Variants in LPP observed in about 807,000 individuals in gnomAD.
LPP encodes lipoma-preferred partner.
In LPP, 38 loss-of-function variants were observed where a neutral mutation model predicts 60.4. The observed-to-expected ratio is 0.63, with a 90% CI of 0.49 to 0.83. The LOEUF (loss-of-function observed/expected upper bound fraction) is 0.83. LPP is among the 40% of genes least tolerant of loss of function. LPP has a pLI of 0.00. For missense variants in LPP, 902 were observed against 783.6 expected (o/e 1.15, Z -1.80); for synonymous variants, 328 against 290.8 (o/e 1.13, Z -1.30).
At chr3:188,371,949 T>G (rs1038936319) in intron 3 of LPP, among the ~76,000 whole-genome samples, 3 of 151,392 alleles carry the variant, frequency 2.0e-5, no homozygotes, top group African/African-American at 7.3e-5. Flanking sequence ...TGAGCCACTA[T>G]GCCAGGCCAG....
chr3:188,405,981 C>T, intron 3 of LPP, 131 bp from the exon 4 acceptor site: 2 of 677,120 alleles, frequency 3.0e-6, no homozygotes, highest in East Asian at 2.9e-5. Flanking sequence ...CTTCCATTTT[C>T]TTTCACCCTT....
chr3:188,650,427 A>G (rs892284559), intron 7 of LPP, among the ~76,000 whole-genome samples: 2 of 152,156 alleles, frequency 1.3e-5, no homozygotes. Context: ...GGGACATAAC[A>G]TCTTCTGATA....
At chr3:188,790,775 CAT>C (rs1445643933) in intron 9 of LPP, among the ~76,000 whole-genome samples, 1 of 150,754 alleles carries the variant, frequency 6.6e-6, no homozygotes, top group African/African-American at 2.4e-5. Flanking sequence ...GAGCCAAGAT[CAT>C]GCCACTGCAC....
At chr3:188,312,532 C>A (rs1484342467) in intron 2 of LPP, among the ~76,000 whole-genome samples, 1 of 152,072 alleles carries the variant, frequency 6.6e-6, no homozygotes, top group Non-Finnish European at 1.5e-5. Flanking sequence ...ATGCCTTCCC[C>A]ACTTTGTGAT....
In LPP at chr3:188,824,189, G is replaced by A. The variant is rs901305172; in HGVS notation, c.1411-42011G>A. On this transcript the variant is annotated intron_variant, in intron 9 of 11. Transcript: ENST00000617246. ...CTCAGCATTGTCTTCTGAAAAGTAC[G>A]TTCACTCATTCGGGTGGCGTGAGAT... 4.6e-5 allele frequency among the ~76,000 whole-genome samples: 7 copies of A among 152,156 alleles called. No homozygotes were observed. In the South Asian group the frequency reaches 6.2e-4, roughly 14 times the overall value.
At chr3:188,497,861 C>T (rs1810694707) in intron 5 of LPP, among the ~76,000 whole-genome samples, 1 of 151,916 alleles carries the variant, frequency 6.6e-6, no homozygotes, top group African/African-American at 2.4e-5. Flanking sequence ...CTCTTCTTGC[C>T]CAGTGGGGAT....
At chr3:188,646,608 G>A (rs1851145148) in intron 7 of LPP, among the ~76,000 whole-genome samples, 1 of 152,148 alleles carries the variant, frequency 6.6e-6, no homozygotes, top group South Asian at 2.1e-4. Flanking sequence ...TTGGTATTTT[G>A]TGGGGCACAA....
intron 7 of LPP, among the ~76,000 whole-genome samples, chr3:188,669,905 G>T (rs1351031612): frequency 6.6e-6 from 1 of 152,156 alleles, no homozygotes; most frequent in Admixed American, 6.5e-5. Flanking sequence ...AATATACACC[G>T]TGGAATACTA....
intron 6 of LPP, among the ~76,000 whole-genome samples, chr3:188,564,149 A>G (rs1878003): frequency 0.99 from 151,287 of 152,126 alleles, 75,231 homozygotes; most frequent in Middle Eastern, 1. Context: ...GCATAATCAG[A>G]CTTTAAAAAA....
intron 1 of LPP, among the ~76,000 whole-genome samples, chr3:188,203,556 A>T (rs866535620): frequency 6.1e-5 from 6 of 98,472 alleles, no homozygotes; most frequent in African/African-American, 8.1e-5. Flanking sequence ...TATATTTTTA[A>T]ATATATATAA....
At chr3:188,306,984 T>G (rs969588046) in intron 2 of LPP, among the ~76,000 whole-genome samples, 2 of 152,242 alleles carry the variant, frequency 1.3e-5, no homozygotes, top group South Asian at 4.1e-4. Context: ...AAGGACCAGA[T>G]TTGGCCTGCA....
intron 8 of LPP, among the ~76,000 whole-genome samples, chr3:188,733,290 C>T (rs79603532): frequency 0.13 from 19,754 of 149,374 alleles, 2,984 homozygotes; most frequent in Non-Finnish European, 0.17. Flanking sequence ...TCACCAAAAA[C>T]GTGTGTGTGT....
chr3:188,419,658 C>A (rs1432983896), intron 4 of LPP, among the ~76,000 whole-genome samples: 1 of 151,964 alleles, frequency 6.6e-6, no homozygotes, highest in Non-Finnish European at 1.5e-5. Flanking sequence ...TTTGGGAGGC[C>A]AAGGGTGGAT....
chr3:188,399,985 G>A (rs1221261829), intron 3 of LPP, among the ~76,000 whole-genome samples: 1 of 152,134 alleles, frequency 6.6e-6, no homozygotes, highest in Non-Finnish European at 1.5e-5. Context: ...ATGGCACTAA[G>A]TTTTCCCACC....
At chr3:188,414,407 A>G (rs563253128) in intron 4 of LPP, among the ~76,000 whole-genome samples, 17 of 152,278 alleles carry the variant, frequency 1.1e-4, no homozygotes, top group African/African-American at 3.8e-4. Flanking sequence ...AAATATTCCA[A>G]AAATCCAAAA....
intron 9 of LPP, among the ~76,000 whole-genome samples, chr3:188,781,242 G>A (rs1739543044): frequency 6.6e-6 from 1 of 152,192 alleles, no homozygotes; most frequent in South Asian, 2.1e-4. Flanking sequence ...TACATTAAAA[G>A]GAAGGTGGAC....
Position 188,740,835 on chromosome 3 carries a change from C to T in LPP, c.1241-19278C>T, listed in dbSNP as rs116387171. On this transcript the variant is annotated intron_variant, in intron 8 of 11. Coordinates refer to ENST00000617246, the MANE Select transcript of LPP (RefSeq NM_001375462.1). The stretch of plus-strand genomic sequence containing the variant: ...CAGGAAAAATAAAGAATATGGGTTC[C>T]ATCAAAAGTCAGGCATGAATTCTCA... 5.6e-3 allele frequency among the ~76,000 whole-genome samples: 847 copies of T among 151,980 alleles called. 6 individuals are homozygous for T. The highest frequency in any genetic ancestry group is 0.019 in the African/African-American group (809 of 41,494).
intron 2 of LPP, among the ~76,000 whole-genome samples, chr3:188,252,609 G>A (rs1392730581): frequency 6.6e-6 from 1 of 152,032 alleles, no homozygotes; most frequent in Non-Finnish European, 1.5e-5. Flanking sequence ...CTTATGAATT[G>A]TTGCCAATTT....
chr3:188,281,719 T>G (rs1445106045), intron 2 of LPP, among the ~76,000 whole-genome samples: 2 of 150,736 alleles, frequency 1.3e-5, no homozygotes, highest in Non-Finnish European at 3.0e-5. Context: ...TCCTCCCCCA[T>G]CTTTCTTTCT....
Sources: gnomAD v4.1 joint callset for allele counts (sites outside exome capture counted in the v4.1 genomes callset) on GRCh38, gnomAD v4.1.1 for gene constraint, MANE v1.5 for transcripts, NCBI Gene and HGNC (gene_info 2026-07-23, HGNC 2026-07-21) for gene names.